The following DOCK4 variants were observed in gnomAD, a reference collection of about 807,000 sequenced individuals.
The protein encoded by DOCK4 is dedicator of cytokinesis protein 4.
Under a neutral mutation model 268.1 loss-of-function variants are expected in DOCK4, and 97 were observed. That is an observed-to-expected ratio of 0.36 (90% CI 0.31 to 0.43). DOCK4 has a LOEUF of 0.43. Among genes scored for constraint, DOCK4 ranks in the 20% least tolerant of loss-of-function variants. DOCK4 has a pLI of 1.00. For missense variants in DOCK4, 2,145 were observed against 2,455.7 expected, an observed-to-expected ratio of 0.87 and a Z score of 2.67; for synonymous variants, 954 against 887.2, an observed-to-expected ratio of 1.08 and a Z score of -1.34.
At chr7:111,767,751 A>T (rs1797854083) in intron 37 of DOCK4, among the ~76,000 whole-genome samples, 1 of 152,174 alleles carries the variant, frequency 6.6e-6, no homozygotes, top group Admixed American at 6.5e-5. Flanking sequence ...CCCTCAGTGC[A>T]GAGGAGAGAA....
At chr7:112,100,396 C>G (rs1810570090) in intron 1 of DOCK4, among the ~76,000 whole-genome samples, 1 of 152,198 alleles carries the variant, frequency 6.6e-6, no homozygotes, top group African/African-American at 2.4e-5. Flanking sequence ...GATGAAACAG[C>G]TATAGAAAGC....
chr7:111,940,419 T>G (rs1486726954), intron 10 of DOCK4, among the ~76,000 whole-genome samples, 177 bp from the exon 11 acceptor site: 1 of 152,196 alleles, frequency 6.6e-6, no homozygotes, highest in Non-Finnish European at 1.5e-5. Flanking sequence ...TCCAGTCACC[T>G]AGCTGTGTGA....
intron 30 of DOCK4, among the ~76,000 whole-genome samples, chr7:111,802,743 T>G (rs1800395719): frequency 6.6e-6 from 1 of 152,208 alleles, no homozygotes; most frequent in Non-Finnish European, 1.5e-5. Context: ...AATTTCTTTT[T>G]AATATGAAAA....
chr7:112,126,608 A>G (rs1245440279), intron 1 of DOCK4, among the ~76,000 whole-genome samples: 3 of 152,242 alleles, frequency 2.0e-5, no homozygotes, highest in African/African-American at 7.2e-5. Flanking sequence ...AACTACCATC[A>G]GAGTCAACAG....
At chr7:112,108,859 G>A (rs937113502) in intron 1 of DOCK4, among the ~76,000 whole-genome samples, 9 of 152,170 alleles carry the variant, frequency 5.9e-5, no homozygotes, top group African/African-American at 2.2e-4. Flanking sequence ...CTGCTTCTTA[G>A]GGGTATAAGT....
At chr7:111,777,523 G>A (rs1798524132) in intron 36 of DOCK4, among the ~76,000 whole-genome samples, 1 of 152,110 alleles carries the variant, frequency 6.6e-6, no homozygotes, top group South Asian at 2.1e-4. Flanking sequence ...CATCTGATGC[G>A]ACTTTCAATG....
At chr7:112,131,589 G>A (rs1813804171) in intron 1 of DOCK4, among the ~76,000 whole-genome samples, 1 of 152,090 alleles carries the variant, frequency 6.6e-6, no homozygotes, top group Admixed American at 6.6e-5. Flanking sequence ...GTGAATGTAT[G>A]CATGCATTGT....
chr7:111,754,444 CTAAATAAGGTA>C (rs1796891684), intron 42 of DOCK4, among the ~76,000 whole-genome samples: 1 of 152,168 alleles, frequency 6.6e-6, no homozygotes, highest in East Asian at 1.9e-4. Flanking sequence ...GGCTTGTGAC[CTAAATAAGGTA>C]TGAATTACAT....
At chr7:111,933,258 T>A (rs866533845) in intron 12 of DOCK4, among the ~76,000 whole-genome samples, 5 of 126,706 alleles carry the variant, frequency 3.9e-5, no homozygotes, top group South Asian at 4.7e-4. Flanking sequence ...ACATATATAC[T>A]TATATATATA....
intron 16 of DOCK4, among the ~76,000 whole-genome samples, chr7:111,880,917 C>T (rs1361741097): frequency 1.3e-5 from 2 of 152,082 alleles, no homozygotes; most frequent in Admixed American, 6.6e-5. Context: ...TCACTATATA[C>T]AAAAATCAAA....
At chr7:112,017,464 G>A (rs1801907139) in intron 1 of DOCK4, among the ~76,000 whole-genome samples, 1 of 152,154 alleles carries the variant, frequency 6.6e-6, no homozygotes, top group African/African-American at 2.4e-5. Context: ...CATAGCAGAG[G>A]CAATATAGTA....
At position 111,909,322 on chromosome 7, in the gene DOCK4, T is replaced by C. The variant is rs577560343; in HGVS notation, c.1192+6457A>G. ...CGCATAACTGTCTTCTTTTGAGAAG[T>C]GTCTGTTCATATCCTTCGAAATTGC... On this transcript the variant is annotated intron_variant, in intron 13 of 52. Transcript: ENST00000428084. 2.0e-5 allele frequency among the ~76,000 whole-genome samples: 3 copies of C among 152,368 alleles called. No homozygotes were observed. In the East Asian group the frequency reaches 5.8e-4, roughly 29 times the overall value.
At chr7:112,012,486 T>C (rs1801419114) in intron 1 of DOCK4, among the ~76,000 whole-genome samples, 1 of 152,218 alleles carries the variant, frequency 6.6e-6, no homozygotes, top group Admixed American at 6.5e-5. Context: ...GTATTATTTG[T>C]GCAAGGGACG....
chr7:112,138,955 C>T (rs1249190597), intron 1 of DOCK4, among the ~76,000 whole-genome samples: 1 of 152,172 alleles, frequency 6.6e-6, no homozygotes, highest in African/African-American at 2.4e-5. Flanking sequence ...CTAACCCTAA[C>T]CCCTCTGCAG....
intron 35 of DOCK4, among the ~76,000 whole-genome samples, chr7:111,781,234 T>C (rs1032015512): frequency 6.6e-5 from 10 of 152,322 alleles, no homozygotes; most frequent in African/African-American, 1.9e-4. Flanking sequence ...TATGGGACTT[T>C]GTGCCTGGAG....
chr7:111,942,248 T>G (rs1795272977), intron 10 of DOCK4, among the ~76,000 whole-genome samples: 1 of 152,156 alleles, frequency 6.6e-6, no homozygotes, highest in Non-Finnish European at 1.5e-5. Context: ...ATTTCTCTTT[T>G]TTTTTCCTCT....
intron 8 of DOCK4, among the ~76,000 whole-genome samples, chr7:111,950,113 G>T (rs971940317): frequency 1.3e-5 from 2 of 152,084 alleles, no homozygotes; most frequent in African/African-American, 4.8e-5. Context: ...TTTTTGTAGT[G>T]ACAGGGTTTC....
chr7:111,741,848 C>T (rs1029576813), intron 45 of DOCK4, among the ~76,000 whole-genome samples, 165 bp downstream of exon 45: 1 of 152,178 alleles, frequency 6.6e-6, no homozygotes, highest in Non-Finnish European at 1.5e-5. Flanking sequence ...AAAAGGAAAG[C>T]CTCGCAAATA....
At chr7:111,944,752 T>A in intron 10 of DOCK4, 59 bp downstream of exon 10, 8 of 1,465,404 alleles carry the variant, frequency 5.5e-6, no homozygotes, top group Non-Finnish European at 7.6e-6. Flanking sequence ...CATAGAAACC[T>A]CTTGGCATTT....
Sources: allele counts gnomAD v4.1 joint callset (sites outside exome capture counted in the v4.1 genomes callset), GRCh38; gene constraint gnomAD v4.1.1; transcripts MANE v1.5; gene names NCBI Gene and HGNC (gene_info 2026-07-23, HGNC 2026-07-21).